Variants in AFF2 observed in about 807,000 individuals in gnomAD.
AFF2 encodes ALF transcription elongation factor 2.
Under a neutral mutation model 76.9 loss-of-function variants are expected in AFF2, and 14 were observed. The ratio of observed to expected loss-of-function variants is 0.18; its 90% confidence interval spans 0.12 to 0.28. AFF2 has a LOEUF of 0.28. Ranked by LOEUF, AFF2 falls within the 10% of genes least tolerant of loss-of-function variation. AFF2 has a pLI of 1.00. For missense variants in AFF2, 868 were observed against 1,001.1 expected (o/e 0.87, Z 1.79); for synonymous variants, 398 against 366.7 (o/e 1.09, Z -0.98).
At chrX:148,699,273 C>T (rs1043545940) in intron 3 of AFF2, among the ~76,000 whole-genome samples, 4 of 112,103 alleles carry the variant, frequency 3.6e-5, no homozygotes, top group African/African-American at 1.3e-4. Flanking sequence ...TGTGTGCTTA[C>T]ATGCATATGG....
In AFF2 at chrX:148,897,248, T is replaced by C. The variant is rs868985757; in HGVS notation, c.1360-6973T>C. ...ATATATATATATATATATATATATA[T>C]ATATATATATATATATATATATATG... is the stretch of plus-strand genomic sequence containing the variant. On this transcript the variant is annotated intron_variant, in intron 8 of 20. Coordinates refer to ENST00000370460, the MANE Select transcript of AFF2 (RefSeq NM_002025.4). 8.5e-5 allele frequency among the ~76,000 whole-genome samples: 3 copies of C among 35,452 alleles called. 1 individual carries two copies. The highest frequency in any genetic ancestry group is 1.4e-4 in the Non-Finnish European group (3 of 20,739). The allele number at this position is 35,452 out of a possible 115,157, so 30.8% of individuals were successfully genotyped here.
At chrX:148,667,956 T>C (rs1368012723) in intron 3 of AFF2, among the ~76,000 whole-genome samples, 5 of 112,466 alleles carry the variant, frequency 4.4e-5, no homozygotes, top group Admixed American at 3.8e-4. Flanking sequence ...TAAAGTCTAA[T>C]CTGAATCAAT....
Position 148,662,208 on chromosome X carries a change from C to A in AFF2, c.481C>A (p.Arg161Ser), listed in dbSNP as rs782411248. ...CAGAAAATCAAAACCTGAGTGGTCA[C>A]GTGATAGTCATAACCCTAGCACTGT... ...SNRKSKPEWS[R>S]DSHNPSTVLA... The change falls in exon 3 of 21, where the codon CGT becomes AGT. Residue 161 changes from arginine to serine, a missense_variant. By Grantham distance (110) the Arg-to-Ser change is moderately radical. This residue lies in a region of AFF2 where 196 missense variants were observed against 194.8 expected (regional missense o/e 1.01). Transcript: ENST00000370460. 7.4e-6 allele frequency: 9 copies of A among 1,208,782 alleles called. No individual in the cohort carries two copies. The Admixed American group carries it at 1.3e-4, about 18-fold the overall frequency.
intron 1 of AFF2, among the ~76,000 whole-genome samples, chrX:148,645,971 G>A (rs1188392870): frequency 1.8e-5 from 2 of 112,134 alleles, no homozygotes; most frequent in South Asian, 3.7e-4. Flanking sequence ...ACGAAGTACT[G>A]ACCCATGCTA....
intron 1 of AFF2, among the ~76,000 whole-genome samples, chrX:148,630,674 G>C (rs868935757): frequency 3.6e-5 from 4 of 111,855 alleles, no homozygotes; most frequent in Non-Finnish European, 7.5e-5. Flanking sequence ...TCCCCAGCCA[G>C]CCTGCCCTCC....
intron 3 of AFF2, among the ~76,000 whole-genome samples, chrX:148,688,767 G>A (rs1200240419): frequency 9.3e-6 from 1 of 107,331 alleles, no homozygotes; most frequent in East Asian, 2.8e-4. Context: ...AGGTTGTATG[G>A]CATCCTATTG....
At chrX:148,682,071 G>A (rs930617277) in intron 3 of AFF2, among the ~76,000 whole-genome samples, 4 of 111,892 alleles carry the variant, frequency 3.6e-5, no homozygotes, top group Non-Finnish European at 7.5e-5. Context: ...ATAAAAGAAG[G>A]GTAGTGATGG....
chrX:148,578,009 T>A (rs1443050389), intron 1 of AFF2, among the ~76,000 whole-genome samples: 1 of 112,704 alleles, frequency 8.9e-6, no homozygotes, highest in Non-Finnish European at 1.9e-5. Flanking sequence ...ACTGGACTGA[T>A]GCTTCAGCAA....
intron 1 of AFF2, among the ~76,000 whole-genome samples, chrX:148,520,489 T>C (rs1402931377): frequency 8.1e-5 from 9 of 111,669 alleles, no homozygotes; most frequent in African/African-American, 2.9e-4. Flanking sequence ...CCCACGTTTT[T>C]GTGCTGGCGT....
At chrX:148,982,219 T>G (rs1188123515) in intron 19 of AFF2, among the ~76,000 whole-genome samples, 3 of 112,509 alleles carry the variant, frequency 2.7e-5, no homozygotes, top group Non-Finnish European at 5.6e-5. Context: ...AAATGATTCT[T>G]AAGCAGATTT....
chrX:148,803,915 A>G (rs2070093129), intron 3 of AFF2, among the ~76,000 whole-genome samples: 2 of 110,913 alleles, frequency 1.8e-5, no homozygotes, highest in Admixed American at 1.9e-4. Context: ...TTCACCTTTA[A>G]TGAGAGCCAG....
chrX:148,798,238 C>A lies in AFF2; in HGVS notation c.1042-11638C>A, dbSNP rs78475075. On this transcript the variant is annotated intron_variant, in intron 3 of 20. Coordinates refer to ENST00000370460, the MANE Select transcript of AFF2 (RefSeq NM_002025.4). ...CAAACTTGTCATTTTATCAGGAACC[C>A]ACTCCCATGATAATGACATTAATTT... Among the ~76,000 whole-genome samples, 46 of 111,538 alleles carry A rather than the reference C, an allele frequency of 4.1e-4. No individual in the cohort carries two copies. In the East Asian group the frequency reaches 9.9e-3, roughly 24 times the overall value.
At chrX:148,832,717 G>C (rs2070468992) in intron 4 of AFF2, among the ~76,000 whole-genome samples, 1 of 112,115 alleles carries the variant, frequency 8.9e-6, no homozygotes, top group South Asian at 3.7e-4. Context: ...GAACGGTATT[G>C]CTAACTGGGA....
chrX:148,885,049 T>A (rs1288318781), intron 7 of AFF2, among the ~76,000 whole-genome samples: 1 of 111,772 alleles, frequency 8.9e-6, no homozygotes, highest in Non-Finnish European at 1.9e-5. Context: ...AATAAAAATA[T>A]GAACACCAAT....
chrX:148,840,111 G>C (rs1557274166), intron 5 of AFF2, among the ~76,000 whole-genome samples: 1 of 110,995 alleles, frequency 9.0e-6, no homozygotes, highest in South Asian at 3.9e-4. Flanking sequence ...ACAAGGAAGG[G>C]AGTAAGTGCA....
chrX:148,754,694 T>C (rs2055540597), intron 3 of AFF2, among the ~76,000 whole-genome samples: 1 of 111,474 alleles, frequency 9.0e-6, no homozygotes. Flanking sequence ...GATTATACAT[T>C]GTTGAAGGAA....
chrX:148,907,893 G>T (rs987890106), intron 9 of AFF2, among the ~76,000 whole-genome samples: 2 of 110,192 alleles, frequency 1.8e-5, no homozygotes, highest in Non-Finnish European at 3.8e-5. Flanking sequence ...TCATCCCACA[G>T]CTGCAACCGT....
intron 3 of AFF2, among the ~76,000 whole-genome samples, chrX:148,742,405 G>A (rs2055366769): frequency 8.9e-6 from 1 of 112,289 alleles, no homozygotes; most frequent in African/African-American, 3.2e-5. Context: ...TAGGAAAGGA[G>A]AAAGTAAGAT....
At chrX:148,867,028 G>T (rs782213076) in intron 7 of AFF2, among the ~76,000 whole-genome samples, 30 of 112,156 alleles carry the variant, frequency 2.7e-4, no homozygotes, top group Non-Finnish European at 5.3e-4. Flanking sequence ...TGGATGGCAG[G>T]TTCCTGAGAA....
Sources: allele counts gnomAD v4.1 joint callset (sites outside exome capture counted in the v4.1 genomes callset), GRCh38; gene constraint gnomAD v4.1.1; regional missense constraint gnomAD v4.1.1; transcripts MANE v1.5; gene names NCBI Gene and HGNC (gene_info 2026-07-23, HGNC 2026-07-21).